The following TENM1 variants were observed in gnomAD, a reference collection of about 807,000 sequenced individuals.
The protein encoded by TENM1 is teneurin-1.
Under a neutral mutation model 174.8 loss-of-function variants are expected in TENM1, and 35 were observed. The observed-to-expected ratio is 0.20, with a 90% CI of 0.15 to 0.27. TENM1 has a LOEUF of 0.27. Ranked by LOEUF, TENM1 falls within the 10% of genes least tolerant of loss-of-function variation. The pLI, the probability that TENM1 is intolerant of heterozygous loss-of-function variation, is 1.00. For missense variants in TENM1, 1,633 were observed against 2,130.1 expected (o/e 0.77, Z 4.59); for synonymous variants, 781 against 798.7 (o/e 0.98, Z 0.37).
At chrX:125,183,209 G>A in the TENM1 span, among the ~76,000 whole-genome samples, 1 of 111,691 alleles carries the variant, frequency 9.0e-6, no homozygotes, top group Admixed American at 9.5e-5. Context: ...TGTATTAAAT[G>A]CTATTATTTA....
the TENM1 span, among the ~76,000 whole-genome samples, chrX:125,162,464 C>CT: frequency 0.014 from 1,520 of 111,841 alleles, 12 homozygotes; most frequent in Non-Finnish European, 0.023. Flanking sequence ...AATCCAGGTG[C>CT]TTTTTTTCAA....
intron 3 of TENM1, among the ~76,000 whole-genome samples, chrX:124,880,423 T>C (rs768873159): frequency 8.9e-6 from 1 of 112,375 alleles, no homozygotes; most frequent in African/African-American, 3.2e-5. Flanking sequence ...GAGTTTTTTG[T>C]TGACGTCTTA....
intron 4 of TENM1, among the ~76,000 whole-genome samples, 180 bp downstream of exon 7, chrX:124,736,777 G>A (rs1243610133): frequency 1.8e-5 from 2 of 112,075 alleles, no homozygotes; most frequent in Non-Finnish European, 3.8e-5. Flanking sequence ...AGATGTTTGT[G>A]TCTGTTTGCA....
exon 32 of TENM1, chrX:124,379,323 T>C (rs1474884741): frequency 8.9e-6 from 1 of 112,720 alleles, no homozygotes; most frequent in Non-Finnish European, 1.9e-5. Flanking sequence ...CTATAGTTAG[T>C]TGAAATGTTT....
intron 3 of TENM1, among the ~76,000 whole-genome samples, chrX:124,874,912 C>A (rs1284634407): frequency 9.0e-6 from 1 of 111,368 alleles, no homozygotes; most frequent in African/African-American, 3.3e-5. Flanking sequence ...TATAATAGCA[C>A]CCCGCTAATT....
intron 3 of TENM1, among the ~76,000 whole-genome samples, chrX:124,764,838 T>C (rs1327572925): frequency 1.8e-5 from 2 of 110,937 alleles, no homozygotes; most frequent in Admixed American, 1.9e-4. Flanking sequence ...GCATATTTCC[T>C]GTCCTGCAGC....
the TENM1 span, among the ~76,000 whole-genome samples, chrX:124,993,598 A>G: frequency 9.0e-6 from 1 of 110,575 alleles, no homozygotes; most frequent in East Asian, 2.8e-4. Flanking sequence ...ATATATACCA[A>G]CTGAGGATGA....
intron 14 of TENM1, among the ~76,000 whole-genome samples, chrX:124,554,208 T>G (rs190882470): frequency 7.1e-5 from 8 of 112,632 alleles, no homozygotes; most frequent in Admixed American, 5.6e-4. Context: ...GCCCAGAGAT[T>G]AACAAATGTC....
intron 11 of TENM1, among the ~76,000 whole-genome samples, chrX:124,569,952 A>C (rs979743406): frequency 2.7e-5 from 3 of 111,760 alleles, no homozygotes; most frequent in African/African-American, 9.7e-5. Context: ...GCTCAGACCA[A>C]TAAAATTGAT....
chrX:125,001,852 TACACACACACAC>T, the TENM1 span, among the ~76,000 whole-genome samples: 63 of 84,922 alleles, frequency 7.4e-4, no homozygotes, highest in Non-Finnish European at 7.6e-4. Context: ...TATAGATAGA[TACACACACACAC>T]ACACACACAC....
chrX:124,941,898 G>A (rs939392328), intron 1 of TENM1, among the ~76,000 whole-genome samples: 4 of 111,878 alleles, frequency 3.6e-5, no homozygotes, highest in South Asian at 3.7e-4. Context: ...CAAAAGGCAT[G>A]TCTTACATGG....
chrX:124,808,382 T>C (rs1355833789), intron 3 of TENM1, among the ~76,000 whole-genome samples: 1 of 111,620 alleles, frequency 9.0e-6, no homozygotes, highest in Non-Finnish European at 1.9e-5. Context: ...ACAACAATAA[T>C]AGGAGACTTC....
chrX:124,575,957 G>A (rs1411826459), intron 11 of TENM1, among the ~76,000 whole-genome samples: 3 of 112,151 alleles, frequency 2.7e-5, no homozygotes, highest in African/African-American at 9.7e-5. Flanking sequence ...TATCCAAATA[G>A]TATCCTCAAA....
intron 4 of TENM1, among the ~76,000 whole-genome samples, chrX:124,723,180 T>C (rs763382682): frequency 1.8e-5 from 2 of 112,057 alleles, no homozygotes; most frequent in South Asian, 7.5e-4. Context: ...ACCTTTTGTT[T>C]CCATTTTCTT....
At chrX:124,468,383 G>A (rs1004993112) in intron 22 of TENM1, among the ~76,000 whole-genome samples, 4 of 110,973 alleles carry the variant, frequency 3.6e-5, no homozygotes, top group Non-Finnish European at 7.6e-5. Context: ...TCATCATGTT[G>A]GCCAGGCTGG....
At chrX:124,856,485 G>C (rs2056816986) in intron 3 of TENM1, among the ~76,000 whole-genome samples, 2 of 111,245 alleles carry the variant, frequency 1.8e-5, no homozygotes, top group Non-Finnish European at 3.8e-5. Context: ...AATGTTATGA[G>C]TCATAATAGG....
the TENM1 span, among the ~76,000 whole-genome samples, chrX:125,133,475 T>C: frequency 0.033 from 3,702 of 111,376 alleles, 180 homozygotes; most frequent in African/African-American, 0.11. Context: ...TTACAAACGA[T>C]ACTCTCCGGA....
At chrX:124,604,935 A>AT (rs974862057) in intron 11 of TENM1, among the ~76,000 whole-genome samples, 19 of 107,415 alleles carry the variant, frequency 1.8e-4, no homozygotes, top group Non-Finnish European at 3.1e-4. Context: ...GGCATATATT[A>AT]TTTTTTTTCT....
chrX:124,692,746 C>A (rs933426039), intron 5 of TENM1, among the ~76,000 whole-genome samples: 1 of 109,548 alleles, frequency 9.1e-6, no homozygotes, highest in African/African-American at 3.3e-5. Context: ...GTGGCTCATG[C>A]TTGTAATCCC....
Sources: gnomAD v4.1 joint callset for allele counts (sites outside exome capture counted in the v4.1 genomes callset) on GRCh38, gnomAD v4.1.1 for gene constraint, MANE v1.5 for transcripts, NCBI Gene and HGNC (gene_info 2026-07-23, HGNC 2026-07-21) for gene names.